Variants in DOCK8 observed in about 807,000 individuals in gnomAD.
DOCK8 encodes dedicator of cytokinesis 8, also known as dedicator of cytokinesis protein 8.
Under a neutral mutation model 245.6 loss-of-function variants are expected in DOCK8, and 141 were observed. The ratio of observed to expected loss-of-function variants is 0.57; its 90% CI spans 0.50 to 0.66. The LOEUF (loss-of-function observed/expected upper bound fraction) is 0.66, where lower values mean the gene tolerates loss of function less well. Among genes scored for constraint, DOCK8 ranks in the 30% least tolerant of loss-of-function variants. The pLI is 0.00. For missense variants in DOCK8, 2,965 were observed against 2,603.4 expected, an observed-to-expected ratio of 1.14 and a Z score of -3.02; for synonymous variants, 1,168 against 970.2, an observed-to-expected ratio of 1.20 and a Z score of -3.79.
At chr9:386,871 G>A (rs2053978181) in intron 23 of DOCK8, among the ~76,000 whole-genome samples, 1 of 152,142 alleles carries the variant, frequency 6.6e-6, no homozygotes, top group South Asian at 2.1e-4. Flanking sequence ...CAATAATTAG[G>A]TATCATTTGT....
intron 1 of DOCK8, among the ~76,000 whole-genome samples, chr9:236,814 A>G (rs902987774): frequency 5.3e-5 from 8 of 152,208 alleles, no homozygotes; most frequent in Non-Finnish European, 7.3e-5. Flanking sequence ...CAGCTCTACC[A>G]TCTTGTGACT....
chr9:461,369 ATC>A (rs1564095307), intron 46 of DOCK8, among the ~76,000 whole-genome samples: 1 of 151,726 alleles, frequency 6.6e-6, no homozygotes, highest in Non-Finnish European at 1.5e-5. Context: ...TCTTCCTTAT[ATC>A]TCTATGTTTC....
chr9:400,598 ACCATCACCACCACCACCT>A, intron 26 of DOCK8, among the ~76,000 whole-genome samples: 1 of 81,158 alleles, frequency 1.2e-5, no homozygotes. Flanking sequence ...CACCACCTCC[ACCATCACCACCACCACCT>A]CCACCACCAT....
At chr9:426,159 G>A (rs1055514842) in intron 33 of DOCK8, among the ~76,000 whole-genome samples, 34 of 151,980 alleles carry the variant, frequency 2.2e-4, no homozygotes, top group African/African-American at 7.5e-4. Context: ...CATAAGAATG[G>A]ATGGGCTAGC....
Position 404,963 on chromosome 9 carries a change from C to T in DOCK8, c.3280C>T (p.Leu1094=). The T allele has an allele frequency of 6.2e-7, 1 of 1,614,038 alleles. No homozygotes were observed. The highest frequency in any genetic ancestry group is 8.5e-7 in the Non-Finnish European group (1 of 1,179,992). The change falls in exon 27 of 48, where the codon CTA becomes TTA. Residue 1094 remains leucine (L), a synonymous_variant. Coordinates refer to ENST00000432829, the MANE Select transcript of DOCK8 (RefSeq NM_203447.4). ...SNLPTLISMR[L]EFLRILCSHE... is the part of the protein sequence containing the mutation. ...CCTTCCAACGCTCATTTCCATGAGG[C>T]TAGAGTTCCTGAGAATCCTCTGTAG...
At chr9:433,783 T>TC (rs1220019296) in intron 37 of DOCK8, 92 bp from the exon 38 acceptor site, 145 of 1,067,084 alleles carry the variant, frequency 1.4e-4, no homozygotes, top group Non-Finnish European at 2.0e-4. Context: ...ATCCAACCCT[T>TC]CCCATGGCTT....
chr9:352,425 C>T (rs1056241337), intron 14 of DOCK8, among the ~76,000 whole-genome samples: 5 of 152,120 alleles, frequency 3.3e-5, no homozygotes, highest in African/African-American at 1.2e-4. Flanking sequence ...TGAGAATCGG[C>T]ATCCCAGGCC....
intron 1 of DOCK8, among the ~76,000 whole-genome samples, chr9:217,333 G>T (rs1023345156): frequency 6.6e-6 from 1 of 152,168 alleles, no homozygotes; most frequent in Admixed American, 6.5e-5. Flanking sequence ...AGAGCTTCAG[G>T]CAGAGATCAG....
rs144894373 is a variant in DOCK8, at chr9:334,522, C to T, written c.1285+138C>T. 1.4e-3 allele frequency: 1,202 copies of T among 876,410 alleles called. 4 individuals are homozygous for T. The highest frequency in any genetic ancestry group is 5.9e-3 in the Middle Eastern group (16 of 2,698). 54.3% of individuals were successfully genotyped at this position (876,410 alleles called of 1,614,324 possible). On this transcript the variant is annotated intron_variant, in intron 11 of 47. Coordinates refer to ENST00000432829, the MANE Select transcript of DOCK8 (RefSeq NM_203447.4). The stretch of plus-strand genomic sequence containing the variant: ...AGAAGGAGATAAATAGAATGAAACA[C>T]TGTTATGACTGGATTACGTAGATTT...
intron 33 of DOCK8, among the ~76,000 whole-genome samples, chr9:425,493 C>G (rs1470157194): frequency 3.5e-5 from 5 of 143,618 alleles, no homozygotes; most frequent in Admixed American, 3.5e-4. Context: ...GATTGCGCCA[C>G]TGCACTCTGC....
chr9:215,138 G>A (rs2046714604), intron 1 of DOCK8, 109 bp downstream of exon 1: 5 of 1,465,884 alleles, frequency 3.4e-6, no homozygotes, highest in East Asian at 2.8e-5. Flanking sequence ...CGCGTCCGCG[G>A]CGGGGCGCGC....
intron 42 of DOCK8, among the ~76,000 whole-genome samples, chr9:442,979 C>T (rs952194398): frequency 2.0e-5 from 3 of 152,168 alleles, no homozygotes; most frequent in African/African-American, 7.2e-5. Flanking sequence ...TTGTTTAGCA[C>T]ATGAGAAAAA....
At chr9:388,561 T>G (rs1052910927) in intron 23 of DOCK8, among the ~76,000 whole-genome samples, 2 of 151,818 alleles carry the variant, frequency 1.3e-5, no homozygotes, top group African/African-American at 4.9e-5. Context: ...TAATTTTTTT[T>G]TTTTTTTGAA....
At chr9:356,603 C>G (rs546503269) in intron 14 of DOCK8, among the ~76,000 whole-genome samples, 2 of 151,836 alleles carry the variant, frequency 1.3e-5, no homozygotes, top group Non-Finnish European at 2.9e-5. Flanking sequence ...TTTCCTTAAG[C>G]CTCTAAGCAT....
chr9:368,293 G>A (rs964559724), intron 15 of DOCK8, 158 bp downstream of exon 15: 1 of 775,346 alleles, frequency 1.3e-6, no homozygotes, highest in Non-Finnish European at 2.4e-6. Context: ...TATCAGTGGG[G>A]AAACAGGGTC....
chr9:286,615 A>G lies in DOCK8; in HGVS notation c.311A>G (p.Gln104Arg). The G allele has an allele frequency of 4.3e-6, 7 of 1,613,968 alleles. No homozygotes were observed. Among genetic ancestry groups the G allele is most frequent in the Non-Finnish European group, 5.1e-6 (6 of 1,179,896 alleles). ...ACGCCAAAGGAATGTAGGACTTTGC[A>G]GCCCTCTTTGCCGGAGGAAGGGTAA... ...VFTPKECRTL[Q>R]PSLPEEGVEL... The change falls in exon 3 of 48, where the codon CAG (glutamine) becomes CGG (arginine). Residue 104 changes from glutamine to arginine, a missense_variant. Gln to Arg is a conservative substitution (Grantham distance 43). Transcript: ENST00000432829.
chr9:373,921 T>C (rs986017322), intron 18 of DOCK8, among the ~76,000 whole-genome samples: 4 of 152,272 alleles, frequency 2.6e-5, no homozygotes, highest in African/African-American at 9.6e-5. Flanking sequence ...TAGAACCCCC[T>C]ATTATCTTTT....
chr9:369,805 C>CTTT, intron 15 of DOCK8: 1 of 232,516 alleles, frequency 4.3e-6, no homozygotes, highest in Non-Finnish European at 8.5e-6. Flanking sequence ...AGTCCCAGCA[C>CTTT]TTTTTTTTTT....
chr9:396,818 G>T lies in DOCK8; in HGVS notation c.3004G>T (p.Asp1002Tyr). ...CATGGCCCAGCACGTACATAACATG[G>T]ACAAACGGGACAGTTTTCGGAGGAC... is the stretch of plus-strand genomic sequence containing the variant. ...KSMAQHVHNM[D>Y]KRDSFRRTRF... The change falls in exon 25 of 48, where the codon GAC becomes TAC. Residue 1002 changes from aspartate to tyrosine, a missense_variant. Physicochemically the swap from Asp to Tyr is radical, Grantham distance 160 (BLOSUM62 -3). Transcript: ENST00000432829. The T allele has an allele frequency of 6.2e-7, 1 of 1,614,092 alleles. No individual in the cohort carries two copies. The highest frequency in any genetic ancestry group is 8.5e-7 in the Non-Finnish European group (1 of 1,180,016).
Sources: gnomAD v4.1 joint callset for allele counts (sites outside exome capture counted in the v4.1 genomes callset) on GRCh38, gnomAD v4.1.1 for gene constraint, MANE v1.5 for transcripts, NCBI Gene and HGNC (gene_info 2026-07-23, HGNC 2026-07-21) for gene names.